Variants in IL27RA observed in about 807,000 individuals in gnomAD.
IL27RA encodes interleukin 27 receptor subunit alpha.
Under a neutral mutation model 80.8 loss-of-function variants are expected in IL27RA, and 61 were observed. The observed-to-expected ratio is 0.76, with a 90% CI of 0.61 to 0.93. The LOEUF (loss-of-function observed/expected upper bound fraction) is 0.93. IL27RA is among the 40% of genes least tolerant of loss of function. IL27RA has a pLI of 0.00. For synonymous variants in IL27RA, 316 were observed against 332.5 expected, an observed-to-expected ratio of 0.95 and a Z score of 0.54; for missense variants, 735 against 808.1, an observed-to-expected ratio of 0.91 and a Z score of 1.10.
chr19:14,032,549 C>CT, intron 2 of IL27RA, 46 bp downstream of exon 2: 1 of 1,269,388 alleles, frequency 7.9e-7, no homozygotes, highest in Non-Finnish European at 1.1e-6. Context: ...TGGAGGTGGC[C>CT]GCTCAGGCCC....
At chr19:14,032,110 G>A in intron 1 of IL27RA, 138 bp downstream of exon 1, 1 of 814,454 alleles carries the variant, frequency 1.2e-6, no homozygotes, top group Admixed American at 2.7e-5. Flanking sequence ...CCGGGGCAGG[G>A]ACCCGGCGAC....
At chr19:14,042,424 C>T in intron 4 of IL27RA, 29 bp from the exon 5 acceptor site, 2 of 1,608,282 alleles carry the variant, frequency 1.2e-6, no homozygotes, top group South Asian at 1.1e-5. Flanking sequence ...AGGCCCTGGG[C>T]CCATCACGCT....
At chr19:14,048,126 T>G (rs1474191492) in intron 8 of IL27RA, among the ~76,000 whole-genome samples, 2 of 151,642 alleles carry the variant, frequency 1.3e-5, no homozygotes, top group Non-Finnish European at 2.9e-5. Context: ...CCCAGCCAGT[T>G]TTTGTATTTT....
chr19:14,033,689 T>C lies in IL27RA; in HGVS notation c.218+1186T>C, dbSNP rs889263045. On this transcript the variant is annotated intron_variant, in intron 2 of 13. Transcript: ENST00000263379. ...CAAAAAAATTTTAAAAAATAAAAGC[T>C]GGCGTGGTGGCTCACGCCTATAATC... Among the ~76,000 whole-genome samples the C allele has an allele frequency of 4.9e-5, 7 of 141,888 alleles. No individual in the cohort carries two copies. In the Admixed American group the frequency reaches 4.9e-4, roughly 10 times the overall value. The allele number at this position is 141,888 out of a possible 152,430, so 93.1% of individuals were successfully genotyped here. A position where few individuals can be genotyped will look rare whatever the true frequency, so the allele number is the denominator to read the frequency against.
At position 14,052,383 on chromosome 19, in the gene IL27RA, G is replaced by A. The variant is rs1976189577; in HGVS notation, c.*93G>A. On this transcript the variant is annotated 3_prime_UTR_variant, in exon 14 of 14. Transcript: ENST00000263379. The stretch of plus-strand genomic sequence containing the variant: ...TGGATTAGCCCTCTTGATGGATGAA[G>A]ACACTGAGGACTCAGAGAGGCTGAG... 9.7e-7 allele frequency: 1 copy of A among 1,028,022 alleles called. No individual in the cohort carries two copies. The highest frequency in any genetic ancestry group is 1.6e-5 in the African/African-American group (1 of 61,088). The allele number at this position is 1,028,022 out of a possible 1,614,324, so 63.7% of individuals were successfully genotyped here. A position where few individuals can be genotyped will look rare whatever the true frequency, so the allele number is the denominator to read the frequency against.
chr19:14,048,910 TGAA>T, intron 8 of IL27RA, 68 bp from the exon 9 acceptor site: 1 of 1,330,748 alleles, frequency 7.5e-7, no homozygotes, highest in Non-Finnish European at 1.1e-6. Context: ...GGGACCCCAG[TGAA>T]GACACCTAGG....
intron 10 of IL27RA, 117 bp from the exon 11 acceptor site, chr19:14,050,641 G>A: frequency 1.9e-6 from 2 of 1,071,474 alleles, no homozygotes; most frequent in Non-Finnish European, 2.6e-6. Context: ...TAAAAGAGAT[G>A]AGGAGGGAGC....
At chr19:14,051,781 G>A in intron 12 of IL27RA, 81 bp downstream of exon 12, 2 of 1,430,438 alleles carry the variant, frequency 1.4e-6, no homozygotes, top group East Asian at 4.6e-5. Context: ...GGGGCTTGAA[G>A]GGAGGCCTCA....
At chr19:14,040,373 A>AT (rs139766338) in intron 4 of IL27RA, among the ~76,000 whole-genome samples, 25,733 of 149,442 alleles carry the variant, frequency 0.17, 2,509 homozygotes, top group East Asian at 0.37. Context: ...AAAAAAAAAA[A>AT]TTTTTTTTCT....
At chr19:14,051,735 T>G (rs750338793) in intron 12 of IL27RA, 35 bp downstream of exon 12, 1 of 1,524,784 alleles carries the variant, frequency 6.6e-7, no homozygotes, top group Non-Finnish European at 9.0e-7. Flanking sequence ...TCTACCCACG[T>G]GGGGAAGGCA....
chr19:14,037,533 G>T (rs1461916772), intron 2 of IL27RA, among the ~76,000 whole-genome samples: 3 of 152,132 alleles, frequency 2.0e-5, no homozygotes, highest in Non-Finnish European at 4.4e-5. Context: ...GGGATTACAG[G>T]CGTGAGCCAC....
rs151126617 is a variant in IL27RA at position 14,052,185 on chromosome 19, C to T, written c.1806C>T (p.Pro602=). ...CGCCGGTTATGGAGTCCTCCCAGCC[C>T]GCCCAGGCCACCGCCCCGCTTGACT... ...EPPPVMESSQ[P]AQATAPLDSG... The change falls in exon 14 of 14, where the codon CCC becomes CCT. Residue 602 remains proline, a synonymous_variant. Coordinates refer to ENST00000263379, the MANE Select transcript of IL27RA (RefSeq NM_004843.4). 2,387 of 1,612,068 alleles carry T rather than the reference C, an allele frequency of 1.5e-3. 7 individuals are homozygous for T. The highest frequency in any genetic ancestry group is 7.9e-3 in the African/African-American group (590 of 74,990).
At chr19:14,035,862 C>G (rs540030932) in intron 2 of IL27RA, among the ~76,000 whole-genome samples, 4 of 152,062 alleles carry the variant, frequency 2.6e-5, no homozygotes, top group East Asian at 3.9e-4. Context: ...CTCACTGCAA[C>G]CTCAAACTCC....
chr19:14,046,771 C>T (rs867043783), intron 8 of IL27RA, among the ~76,000 whole-genome samples, 153 bp downstream of exon 8: 6 of 152,054 alleles, frequency 3.9e-5, no homozygotes, highest in Middle Eastern at 3.4e-3. Context: ...CCGAAAGGGG[C>T]GGATCACCTG....
intron 2 of IL27RA, among the ~76,000 whole-genome samples, chr19:14,033,221 A>G (rs1225524417): frequency 6.8e-6 from 1 of 147,442 alleles, no homozygotes; most frequent in African/African-American, 2.5e-5. Flanking sequence ...CTCAGCCTCC[A>G]GAGTAGCTGG....
intron 4 of IL27RA, 77 bp from the exon 5 acceptor site, chr19:14,042,376 A>AG: frequency 6.8e-7 from 1 of 1,462,704 alleles, no homozygotes; most frequent in East Asian, 2.3e-5. Context: ...CGAAAAACAA[A>AG]GGAAAAAAAA....
In IL27RA at chr19:14,050,672, A is replaced by T; in HGVS notation, c.1403-86A>T. On this transcript the variant is annotated intron_variant, in intron 10 of 13. Coordinates refer to ENST00000263379, the MANE Select transcript of IL27RA (RefSeq NM_004843.4). ...GGAGCCATGTGGATACCTGGGAGAG[A>T]GTGTTGCAGACAGCAGGAAGAGCAC... 3 of 1,395,800 alleles carry T rather than the reference A, an allele frequency of 2.1e-6. No individual in the cohort carries two copies. In the South Asian group the frequency reaches 4.2e-5, roughly 19 times the overall value. The allele number at this position is 1,395,800 out of a possible 1,614,324, so 86.5% of individuals were successfully genotyped here.
chr19:14,039,620 G>C lies in IL27RA; in HGVS notation c.331G>C (p.Gly111Arg). 6.2e-7 allele frequency: 1 copy of C among 1,614,160 alleles called. No individual in the cohort carries two copies. Among genetic ancestry groups the C allele is most frequent in the South Asian group, 1.1e-5 (1 of 91,082 alleles). The change falls in exon 3 of 14, where the codon GGC becomes CGC. Residue 111 changes from glycine to arginine, a missense_variant. Gly to Arg is a moderately radical substitution (Grantham distance 125). Transcript: ENST00000263379. ...DKLLVWGTKA[G>R]QPLWPPVFVN... Reference sequence around the variant, plus strand: ...ACTCCTTGTCTGGGGCACTAAGGCAGGCCAGCCTCTCTGGCCCCCCGTCTT... The same window carrying C: ...ACTCCTTGTCTGGGGCACTAAGGCACGCCAGCCTCTCTGGCCCCCCGTCTT...
rs531162316 is a variant in IL27RA, at chr19:14,038,959, AG to A, written c.219-546del. ...GAGGAAAGAAGGGAGAGGGAGAGGA[AG>A]GGAAGGAAAGAAAGAAAAAGAGAGA... On this transcript the variant is annotated intron_variant, in intron 2 of 13. Coordinates refer to ENST00000263379, the MANE Select transcript of IL27RA (RefSeq NM_004843.4). Among the ~76,000 whole-genome samples the A allele has an allele frequency of 6.8e-3, 1,024 of 151,550 alleles. 5 individuals carry two copies. The highest frequency in any genetic ancestry group is 0.011 in the Non-Finnish European group (739 of 67,758).
Sources: allele counts gnomAD v4.1 joint callset (sites outside exome capture counted in the v4.1 genomes callset), GRCh38; gene constraint gnomAD v4.1.1; transcripts MANE v1.5; gene names NCBI Gene and HGNC (gene_info 2026-07-23, HGNC 2026-07-21).